DNAH14: variants seen among roughly 807,000 people sequenced by gnomAD.
The protein encoded by DNAH14 is axonemal beta dynein heavy chain 14.
DNAH14 carries 478 observed loss-of-function variants against 520.9 expected under a neutral mutation model. That is an observed-to-expected ratio of 0.92 (90% confidence interval 0.85 to 0.99). The LOEUF (loss-of-function observed/expected upper bound fraction) is 0.99. DNAH14 is among the 50% of genes least tolerant of loss of function. The pLI is 0.00. For synonymous variants in DNAH14, 1,581 were observed against 1,757.2 expected, an observed-to-expected ratio of 0.90 and a Z score of 2.51; for missense variants, 4,831 against 5,234.5, an observed-to-expected ratio of 0.92 and a Z score of 2.38.
Position 225,259,226 on chromosome 1 carries a change from T to C in DNAH14, c.7130T>C (p.Leu2377Pro). 1 of 1,512,920 alleles carries C rather than the reference T, an allele frequency of 6.6e-7. No homozygotes were observed. The allele number at this position is 1,512,920 out of a possible 1,614,324, so 93.7% of individuals were successfully genotyped here. A position where few individuals can be genotyped will look rare whatever the true frequency, so the allele number is the denominator to read the frequency against. Residue 2377 changes from leucine to proline, a missense_variant, in exon 46 of 86, where the codon CTA becomes CCA. Physicochemically the swap from Leu to Pro is moderately conservative, Grantham distance 98. Coordinates refer to ENST00000682510, the MANE Select transcript of DNAH14 (RefSeq NM_001367479.1). ...CATGGTTCAATTTTAGGAGACACCCTATTATATAGTGAAATAAAAAAATCA... is the reference window on the plus strand; with the variant it reads ...CATGGTTCAATTTTAGGAGACACCCCATTATATAGTGAAATAAAAAAATCA... Reference protein sequence around the residue: ...IKHGSILGDTLLYSEIKKSSS... With the variant: ...IKHGSILGDTPLYSEIKKSSS...
intron 43 of DNAH14, among the ~76,000 whole-genome samples, chr1:225,243,959 T>C (rs980226467): frequency 6.6e-5 from 10 of 152,248 alleles, no homozygotes; most frequent in Non-Finnish European, 1.2e-4. Context: ...TTTTGCCCAG[T>C]CAGTATGATA....
At chr1:225,210,324 G>A (rs1352917453) in intron 41 of DNAH14, among the ~76,000 whole-genome samples, 1 of 152,106 alleles carries the variant, frequency 6.6e-6, no homozygotes, top group Non-Finnish European at 1.5e-5. Context: ...GCTTGGTATG[G>A]GGAAGGGCAT....
At chr1:225,101,972 G>A (rs777186480) in intron 23 of DNAH14, among the ~76,000 whole-genome samples, 3 of 150,938 alleles carry the variant, frequency 2.0e-5, no homozygotes, top group Non-Finnish European at 3.0e-5. Context: ...TACATGTGCC[G>A]TGTTGGTGTG....
chr1:224,988,636 A>G (rs2062820866), intron 8 of DNAH14, among the ~76,000 whole-genome samples: 2 of 152,222 alleles, frequency 1.3e-5, no homozygotes, highest in South Asian at 4.1e-4. Context: ...CCAAAGGAAT[A>G]TAAATCATTC....
At chr1:225,162,373 T>C (rs779777173) in intron 35 of DNAH14, among the ~76,000 whole-genome samples, 17 of 152,304 alleles carry the variant, frequency 1.1e-4, no homozygotes, top group Non-Finnish European at 2.5e-4. Flanking sequence ...GTGTCTATTT[T>C]CTGGTCTTTT....
chr1:225,338,158 A>G lies in DNAH14; in HGVS notation c.10409A>G (p.Glu3470Gly), dbSNP rs1173943341. 6.4e-7 allele frequency: 1 copy of G among 1,551,940 alleles called. No homozygotes were observed. Among genetic ancestry groups the G allele is most frequent in the Admixed American group, 2.0e-5 (1 of 50,978 alleles). Reference protein sequence around the residue: ...GHYFIRVGDAEFEYNSNFRLY... With the variant: ...GHYFIRVGDAGFEYNSNFRLY... ...TATTTCATAAGGGTTGGTGATGCTGAGTTCGAATACAATTCAAATTTTAGG... is the reference window on the plus strand; with the variant it reads ...TATTTCATAAGGGTTGGTGATGCTGGGTTCGAATACAATTCAAATTTTAGG... The change falls in exon 68 of 86, where the codon GAG becomes GGG. Residue 3470 changes from glutamate (E) to glycine (G), a missense_variant. By Grantham distance (98) the Glu-to-Gly change is moderately conservative. Transcript: ENST00000682510.
Position 225,043,071 on chromosome 1 carries a change from G to C in DNAH14, c.1725G>C (p.Lys575Asn). ...HSSEELLPKA[K>N]KSKEISYNLE... ...GTGAAGAATTGCTCCCAAAAGCCAA[G>C]AAATCAAAAGAAATTAGTTACAATC... is the stretch of plus-strand genomic sequence containing the variant. The change falls in exon 13 of 86, where the codon AAG becomes AAC. Residue 575 changes from lysine (K) to asparagine (N), a missense_variant. By Grantham distance (94) the Lys-to-Asn change is moderately conservative (BLOSUM62 0). Coordinates refer to ENST00000682510, the MANE Select transcript of DNAH14 (RefSeq NM_001367479.1). 1 of 1,551,116 alleles carries C rather than the reference G, an allele frequency of 6.4e-7. No individual in the cohort carries two copies.
At chr1:225,253,512 G>T (rs1427398375) in intron 44 of DNAH14, among the ~76,000 whole-genome samples, 1 of 151,738 alleles carries the variant, frequency 6.6e-6, no homozygotes, top group Non-Finnish European at 1.5e-5. Context: ...ATGGTAAACC[G>T]CAATATGATA....
chr1:225,252,207 A>G (rs1343713034), intron 43 of DNAH14, 94 bp from the exon 44 acceptor site: 7 of 753,346 alleles, frequency 9.3e-6, no homozygotes, highest in Non-Finnish European at 1.6e-5. Context: ...TTTCTTGTTC[A>G]ACAATCAGAT....
rs374693003 is a variant in DNAH14 at position 225,102,593 on chromosome 1, T to A, written c.3867+1709T>A. Among the ~76,000 whole-genome samples the A allele has an allele frequency of 2.1e-4, 32 of 152,340 alleles. 1 individual carries two copies. In the East Asian group the frequency reaches 6.0e-3, roughly 28 times the overall value. The stretch of plus-strand genomic sequence containing the variant: ...TTAATGATCGCCATTCTAACTGGTG[T>A]GAGATGGTATCTCATTGTGGTTTAG... On this transcript the variant is annotated intron_variant, in intron 23 of 85. Coordinates refer to ENST00000682510, the MANE Select transcript of DNAH14 (RefSeq NM_001367479.1).
intron 31 of DNAH14, among the ~76,000 whole-genome samples, chr1:225,148,539 T>C (rs536037823): frequency 6.6e-6 from 1 of 151,704 alleles, no homozygotes; most frequent in Non-Finnish European, 1.5e-5. Context: ...GTAGCTGGGA[T>C]TACAGGCATG....
rs766486527 is a variant in DNAH14, at chr1:225,152,705, G to T, written c.5018G>T (p.Gly1673Val). 1 of 1,544,470 alleles carries T rather than the reference G, an allele frequency of 6.5e-7. No homozygotes were observed. Among genetic ancestry groups the T allele is most frequent in the South Asian group, 1.2e-5 (1 of 82,476 alleles). The change falls in exon 33 of 86, where the codon GGT becomes GTT. Residue 1673 changes from glycine (G) to valine (V), a missense_variant. By Grantham distance (109) the Gly-to-Val change is moderately radical. Transcript: ENST00000682510. Reference sequence around the variant, plus strand: ...TTTCTTTTCCTCTTCAGATACGGAGGTGGAGTAGAGCTCCCAGATAACTTA... The same window carrying T: ...TTTCTTTTCCTCTTCAGATACGGAGTTGGAGTAGAGCTCCCAGATAACTTA... ...VFITMNPRYG[G>V]GVELPDNLKS...
intron 9 of DNAH14, among the ~76,000 whole-genome samples, chr1:225,003,619 A>T (rs2063934810): frequency 1.3e-5 from 2 of 152,112 alleles, no homozygotes; most frequent in Admixed American, 1.3e-4. Flanking sequence ...AGAATTGATT[A>T]TGTGTAATGA....
At chr1:225,060,408 C>T (rs7546848) in intron 17 of DNAH14, among the ~76,000 whole-genome samples, 11 of 151,982 alleles carry the variant, frequency 7.2e-5, no homozygotes, top group Non-Finnish European at 1.3e-4. Flanking sequence ...TCTAGTTAGC[C>T]ATTTGTCTAA....
chr1:225,308,501 T>A, intron 60 of DNAH14, 91 bp downstream of exon 60: 1 of 1,281,874 alleles, frequency 7.8e-7, no homozygotes, highest in Non-Finnish European at 1.0e-6. Context: ...TGACTAGTCT[T>A]AAATACATAG....
rs1355816956 is a variant in DNAH14, at chr1:225,268,552, G to A, written c.7539+1783G>A. Among the ~76,000 whole-genome samples the A allele has an allele frequency of 2.6e-5, 4 of 152,314 alleles. No homozygotes were observed. The South Asian group carries it at 8.3e-4, about 32-fold the overall frequency. On this transcript the variant is annotated intron_variant, in intron 49 of 85. Transcript: ENST00000682510. ...AGAAGTCAAATTGTCCTTGTTTGCA[G>A]ATGCATGATTGTATATTTAGAAAAC...
intron 60 of DNAH14, among the ~76,000 whole-genome samples, chr1:225,316,516 G>A (rs1439987185): frequency 6.6e-6 from 1 of 152,214 alleles, no homozygotes; most frequent in African/African-American, 2.4e-5. Flanking sequence ...TCTGCGGGTT[G>A]TGAAGACTGT....
At chr1:225,369,590 G>A (rs2095594243) in intron 77 of DNAH14, among the ~76,000 whole-genome samples, 1 of 151,798 alleles carries the variant, frequency 6.6e-6, no homozygotes, top group Non-Finnish European at 1.5e-5. Context: ...ACCTCCATCA[G>A]GATTGGACAG....
chr1:225,327,865 A>G (rs1297713757), intron 64 of DNAH14, among the ~76,000 whole-genome samples: 2 of 152,140 alleles, frequency 1.3e-5, no homozygotes, highest in Non-Finnish European at 1.5e-5. Flanking sequence ...AAGAATTTCT[A>G]GACTTCAAGA....
Sources: gnomAD v4.1 joint callset for allele counts (sites outside exome capture counted in the v4.1 genomes callset) on GRCh38, gnomAD v4.1.1 for gene constraint, MANE v1.5 for transcripts, NCBI Gene and HGNC (gene_info 2026-07-23, HGNC 2026-07-21) for gene names.